The following NEK11 variants were observed in gnomAD, a reference collection of about 807,000 sequenced individuals.
NEK11 encodes serine/threonine-protein kinase Nek11.
Under a neutral mutation model 80.7 loss-of-function variants are expected in NEK11, and 72 were observed. The ratio of observed to expected loss-of-function variants is 0.89; its 90% CI spans 0.74 to 1.08. The LOEUF (loss-of-function observed/expected upper bound fraction) is 1.08, where lower values mean the gene tolerates loss of function less well. Ranked by LOEUF, NEK11 falls within the 50% of genes least tolerant of loss-of-function variation. NEK11 has a pLI of 0.00. For synonymous variants in NEK11, 251 were observed against 260.7 expected (o/e 0.96, Z 0.36); for missense variants, 764 against 763.6 (o/e 1.00, Z -0.01).
chr3:131,097,112 A>G (rs1295207041), intron 4 of NEK11, among the ~76,000 whole-genome samples: 1 of 151,144 alleles, frequency 6.6e-6, no homozygotes, highest in South Asian at 2.1e-4. Context: ...TATGTGCCAC[A>G]TTTTCTTAAT....
intron 14 of NEK11, among the ~76,000 whole-genome samples, chr3:131,225,677 G>C (rs1417869065): frequency 6.6e-6 from 1 of 152,164 alleles, no homozygotes; most frequent in Non-Finnish European, 1.5e-5. Context: ...GCCAAAGCCA[G>C]CATTCTAAAG....
chr3:131,197,162 G>A (rs2094049402), intron 14 of NEK11, among the ~76,000 whole-genome samples: 1 of 152,104 alleles, frequency 6.6e-6, no homozygotes, highest in African/African-American at 2.4e-5. Context: ...GGGATTCTTA[G>A]TCAGCCTAGG....
intron 14 of NEK11, among the ~76,000 whole-genome samples, chr3:131,200,581 A>C (rs192256980): frequency 4.4e-4 from 67 of 152,314 alleles, no homozygotes; most frequent in Non-Finnish European, 8.1e-4. Context: ...TCTGCTCTTA[A>C]AGCTTGAAAC....
chr3:131,038,745 C>T (rs2066013772), intron 3 of NEK11, among the ~76,000 whole-genome samples: 1 of 152,094 alleles, frequency 6.6e-6, no homozygotes, highest in Non-Finnish European at 1.5e-5. Context: ...ATATTACAGC[C>T]GTATTAGTGT....
intron 14 of NEK11, among the ~76,000 whole-genome samples, chr3:131,214,764 T>C (rs2094761757): frequency 6.6e-6 from 1 of 151,796 alleles, no homozygotes; most frequent in South Asian, 2.1e-4. Flanking sequence ...CAGTCAAATA[T>C]AGAGATGTCA....
At chr3:131,281,455 C>A (rs2096394562) in intron 17 of NEK11, among the ~76,000 whole-genome samples, 1 of 152,170 alleles carries the variant, frequency 6.6e-6, no homozygotes, top group African/African-American at 2.4e-5. Flanking sequence ...TTTACAGCTT[C>A]CAAGTTCTCC....
At chr3:131,149,600 G>C (rs2089218996) in intron 7 of NEK11, among the ~76,000 whole-genome samples, 1 of 151,852 alleles carries the variant, frequency 6.6e-6, no homozygotes, top group African/African-American at 2.4e-5. Context: ...TTTTCTTCTT[G>C]TGTCGTAAGT....
At chr3:131,197,341 C>T (rs986768626) in intron 14 of NEK11, among the ~76,000 whole-genome samples, 4 of 152,096 alleles carry the variant, frequency 2.6e-5, no homozygotes, top group African/African-American at 4.8e-5. Flanking sequence ...TCATTAACAT[C>T]GGAGCATGGG....
intron 5 of NEK11, among the ~76,000 whole-genome samples, chr3:131,119,487 T>C (rs1434302336): frequency 1.3e-5 from 2 of 152,174 alleles, no homozygotes; most frequent in African/African-American, 4.8e-5. Context: ...CTATTAGGTC[T>C]GCTTGGTGCT....
intron 16 of NEK11, among the ~76,000 whole-genome samples, chr3:131,255,126 A>AAGAAAGAG (rs1341281196): frequency 4.7e-5 from 7 of 147,586 alleles, no homozygotes; most frequent in African/African-American, 1.0e-4. Flanking sequence ...GAAAGAAAGA[A>AAGAAAGAG]AGAGAGAAAG....
intron 14 of NEK11, among the ~76,000 whole-genome samples, chr3:131,195,170 A>G (rs1209915847): frequency 1.3e-5 from 2 of 152,120 alleles, no homozygotes; most frequent in African/African-American, 4.8e-5. Context: ...TGAAACCTCT[A>G]TTAGCTTTCT....
chr3:131,262,996 T>C (rs1321818864), intron 16 of NEK11, among the ~76,000 whole-genome samples: 1 of 152,162 alleles, frequency 6.6e-6, no homozygotes, highest in South Asian at 2.1e-4. Context: ...AATGAACTCA[T>C]CCGTTTTTAT....
chr3:131,289,806 T>C (rs2096525069), intron 17 of NEK11, among the ~76,000 whole-genome samples: 1 of 152,176 alleles, frequency 6.6e-6, no homozygotes, highest in Non-Finnish European at 1.5e-5. Flanking sequence ...GGATGGTCTG[T>C]TATCACCCAG....
At chr3:131,325,895 T>C (rs1443943845) in intron 17 of NEK11, 1 of 152,184 alleles carries the variant, frequency 6.6e-6, no homozygotes, top group African/African-American at 2.4e-5. Flanking sequence ...AGCTAAAAAG[T>C]TGTGATTGGA....
rs114149751 is a variant in NEK11 at position 131,132,680 on chromosome 3, T to C, written c.456-65T>C. 3 of 814,866 alleles carry C rather than the reference T, an allele frequency of 3.7e-6. No individual in the cohort carries two copies. In the Admixed American group the frequency reaches 7.9e-5, roughly 22 times the overall value. The allele number at this position is 814,866 out of a possible 1,614,324, so 50.5% of individuals were successfully genotyped here. A position where few individuals can be genotyped will look rare whatever the true frequency, so the allele number is the denominator to read the frequency against. On this transcript the variant is annotated intron_variant, in intron 5 of 17. Coordinates refer to ENST00000383366, the MANE Select transcript of NEK11 (RefSeq NM_024800.5). The stretch of plus-strand genomic sequence containing the variant: ...AAATCATGTGCAACAACATATATTA[T>C]TTACATGGGGATTTAAAAATGTTAT...
At chr3:131,043,488 T>C (rs2066859704) in intron 3 of NEK11, among the ~76,000 whole-genome samples, 1 of 152,106 alleles carries the variant, frequency 6.6e-6, no homozygotes, top group African/African-American at 2.4e-5. Context: ...AATAGTCAAA[T>C]CAATCAAGTG....
chr3:131,072,610 A>G (rs1335212968), intron 3 of NEK11, among the ~76,000 whole-genome samples: 1 of 152,198 alleles, frequency 6.6e-6, no homozygotes, highest in Non-Finnish European at 1.5e-5. Flanking sequence ...GATAGGGACA[A>G]GGAGGAGCTG....
At chr3:131,122,310 C>T (rs1363406917) in intron 5 of NEK11, among the ~76,000 whole-genome samples, 1 of 152,172 alleles carries the variant, frequency 6.6e-6, no homozygotes, top group East Asian at 1.9e-4. Flanking sequence ...CCTGCTTTCT[C>T]CTGGTCCTCA....
chr3:131,140,325 A>G (rs1010410886), intron 7 of NEK11, among the ~76,000 whole-genome samples: 1 of 152,140 alleles, frequency 6.6e-6, no homozygotes, highest in Non-Finnish European at 1.5e-5. Flanking sequence ...ATTGAGAGGA[A>G]CCAAGGCCTT....
Sources: allele counts gnomAD v4.1 joint callset (sites outside exome capture counted in the v4.1 genomes callset), GRCh38; gene constraint gnomAD v4.1.1; transcripts MANE v1.5; gene names NCBI Gene and HGNC (gene_info 2026-07-23, HGNC 2026-07-21).